The following CNIH3 variants were observed in gnomAD, a reference collection of about 807,000 sequenced individuals.
CNIH3 encodes the protein protein cornichon homolog 3.
In CNIH3, 14 loss-of-function variants were observed where a neutral mutation model predicts 24.1. The ratio of observed to expected loss-of-function variants is 0.58; its 90% CI spans 0.38 to 0.91. The LOEUF (loss-of-function observed/expected upper bound fraction) is 0.91. CNIH3 is among the 40% of genes least tolerant of loss of function. The pLI is 0.00. For synonymous variants in CNIH3, 68 were observed against 73.8 expected, an observed-to-expected ratio of 0.92 and a Z score of 0.40; for missense variants, 178 against 196.8, an observed-to-expected ratio of 0.90 and a Z score of 0.57.
At chr1:224,450,004 GCACACACACA>G (rs147188963) in intron 1 of CNIH3, among the ~76,000 whole-genome samples, 8 of 147,348 alleles carry the variant, frequency 5.4e-5, no homozygotes, top group Non-Finnish European at 7.5e-5. Flanking sequence ...CATTATACAC[GCACACACACA>G]CACACACACG....
intron 1 of CNIH3, among the ~76,000 whole-genome samples, chr1:224,659,778 G>A (rs1685258219): frequency 6.6e-6 from 1 of 152,156 alleles, no homozygotes; most frequent in East Asian, 1.9e-4. Context: ...CACTGCAGTA[G>A]TTAGAACTGG....
At chr1:224,717,656 T>A (rs906511349) in intron 3 of CNIH3, 2 of 152,268 alleles carry the variant, frequency 1.3e-5, no homozygotes, top group African/African-American at 4.8e-5. Context: ...GTAAGGTCTT[T>A]GCTGGGCCTC....
intron 1 of CNIH3, among the ~76,000 whole-genome samples, chr1:224,494,093 G>A (rs758989212): frequency 6.6e-6 from 1 of 152,164 alleles, no homozygotes; most frequent in Non-Finnish European, 1.5e-5. Flanking sequence ...CACCAGGGTC[G>A]ATTTTTAAAT....
At chr1:224,575,759 A>G (rs1205370939) in intron 4 of CNIH3, among the ~76,000 whole-genome samples, 1 of 152,172 alleles carries the variant, frequency 6.6e-6, no homozygotes, top group Non-Finnish European at 1.5e-5. Flanking sequence ...GTGGAAAAAA[A>G]AAAACTCACT....
chr1:224,554,076 A>G (rs1019886193), intron 3 of CNIH3, among the ~76,000 whole-genome samples: 9 of 152,166 alleles, frequency 5.9e-5, no homozygotes, highest in African/African-American at 2.2e-4. Flanking sequence ...TAGAACCAAC[A>G]TGGAGTAAGG....
At chr1:224,642,062 A>G (rs1381084612) in intron 1 of CNIH3, among the ~76,000 whole-genome samples, 1 of 152,192 alleles carries the variant, frequency 6.6e-6, no homozygotes, top group Non-Finnish European at 1.5e-5. Context: ...CTCCGTTTGG[A>G]CATAACAAGA....
At chr1:224,671,664 C>T (rs1213467030) in intron 1 of CNIH3, among the ~76,000 whole-genome samples, 1 of 152,202 alleles carries the variant, frequency 6.6e-6, no homozygotes, top group Admixed American at 6.5e-5. Flanking sequence ...ATACAATGAA[C>T]ACAAAATCAA....
chr1:224,593,661 C>T (rs1342739035), intron 3 of CNIH3, among the ~76,000 whole-genome samples: 33 of 151,914 alleles, frequency 2.2e-4, no homozygotes, highest in Non-Finnish European at 3.2e-4. Flanking sequence ...ATGGACCCCA[C>T]AAATAGGTAA....
chr1:224,591,572 A>G (rs1026088550), downstream of CNIH3, among the ~76,000 whole-genome samples: 1 of 152,146 alleles, frequency 6.6e-6, no homozygotes, highest in Admixed American at 6.6e-5. Flanking sequence ...CCAAGACAAA[A>G]AAGTTGGAGA....
chr1:224,519,984 C>G (rs1314458014), intron 1 of CNIH3, among the ~76,000 whole-genome samples: 3 of 152,158 alleles, frequency 2.0e-5, no homozygotes, highest in South Asian at 4.1e-4. Context: ...GTAGAAAGTT[C>G]TATTGACTAG....
chr1:224,480,870 A>G (rs1007598035), intron 1 of CNIH3, among the ~76,000 whole-genome samples: 1 of 151,864 alleles, frequency 6.6e-6, no homozygotes, highest in South Asian at 2.1e-4. Flanking sequence ...AACTGTTCCA[A>G]CCTCTGCCTG....
intron 3 of CNIH3, among the ~76,000 whole-genome samples, chr1:224,724,392 T>A (rs1572816717): frequency 6.6e-6 from 1 of 152,190 alleles, no homozygotes; most frequent in East Asian, 1.9e-4. Flanking sequence ...CCAGAGTGAT[T>A]AAAGAGCATG....
downstream of CNIH3, among the ~76,000 whole-genome samples, chr1:224,540,040 C>G (rs1026834415): frequency 1.3e-5 from 2 of 152,178 alleles, no homozygotes; most frequent in Admixed American, 1.3e-4. Flanking sequence ...GTACTATTCA[C>G]AGCACACAAC....
chr1:224,531,979 T>C (rs1473146014), intron 2 of CNIH3, among the ~76,000 whole-genome samples: 1 of 152,090 alleles, frequency 6.6e-6, no homozygotes, highest in Non-Finnish European at 1.5e-5. Flanking sequence ...AAGACAAAGA[T>C]TCCTCCATTG....
At chr1:224,437,029 C>CA (rs1394562883) in intron 1 of CNIH3, 2 of 152,210 alleles carry the variant, frequency 1.3e-5, no homozygotes, top group Non-Finnish European at 2.9e-5. Flanking sequence ...TCCTGACTTC[C>CA]ACTCTCCTAG....
chr1:224,675,714 A>G (rs1216350682), intron 1 of CNIH3, among the ~76,000 whole-genome samples: 1 of 152,228 alleles, frequency 6.6e-6, no homozygotes, highest in African/African-American at 2.4e-5. Flanking sequence ...AGCTAAGCCC[A>G]TGAAAAGTGC....
intron 1 of CNIH3, chr1:224,661,531 T>C: frequency 5.9e-6 from 2 of 339,082 alleles, no homozygotes; most frequent in South Asian, 6.2e-5. Flanking sequence ...AAAGAAGTCC[T>C]CAAATAGATT....
chr1:224,726,503 C>T (rs928626171), intron 3 of CNIH3, among the ~76,000 whole-genome samples: 2 of 152,144 alleles, frequency 1.3e-5, no homozygotes, highest in Non-Finnish European at 2.9e-5. Context: ...CAGTCCTTAC[C>T]GGTTATCATT....
chr1:224,505,223 C>T (rs577063263), intron 1 of CNIH3, among the ~76,000 whole-genome samples: 1 of 151,370 alleles, frequency 6.6e-6, no homozygotes, highest in African/African-American at 2.4e-5. Context: ...TGTTTGAGCC[C>T]GGGAAGTCAA....
Sources: allele counts gnomAD v4.1 joint callset (sites outside exome capture counted in the v4.1 genomes callset), GRCh38; gene constraint gnomAD v4.1.1; transcripts MANE v1.5; gene names NCBI Gene and HGNC (gene_info 2026-07-23, HGNC 2026-07-21).